EMC8: variants seen among roughly 807,000 people sequenced by gnomAD.
EMC8 encodes COX4 neighbor.
In EMC8, 11 loss-of-function variants were observed where a neutral mutation model predicts 24.3. The ratio of observed to expected loss-of-function variants is 0.45; its 90% CI spans 0.28 to 0.75. The LOEUF (loss-of-function observed/expected upper bound fraction) is 0.75. EMC8 is among the 30% of genes least tolerant of loss of function. The pLI is 0.12. For synonymous variants in EMC8, 145 were observed against 117.7 expected, an observed-to-expected ratio of 1.23 and a Z score of -1.50; for missense variants, 277 against 282.7, an observed-to-expected ratio of 0.98 and a Z score of 0.14.
At chr16:85,788,595 G>C (rs1943262739) in intron 2 of EMC8, among the ~76,000 whole-genome samples, 1 of 152,218 alleles carries the variant, frequency 6.6e-6, no homozygotes, top group South Asian at 2.1e-4. Flanking sequence ...AAACCTACAG[G>C]CTGGTCTATT....
chr16:85,788,392 C>T (rs1904852559), intron 2 of EMC8, among the ~76,000 whole-genome samples: 1 of 152,278 alleles, frequency 6.6e-6, no homozygotes, highest in Non-Finnish European at 1.5e-5. Flanking sequence ...TTAAGCCCTC[C>T]TCAGATTATC....
intron 1 of EMC8, among the ~76,000 whole-genome samples, chr16:85,791,158 T>C (rs1904993134): frequency 6.6e-6 from 1 of 152,192 alleles, no homozygotes; most frequent in Non-Finnish European, 1.5e-5. Flanking sequence ...ATAAATTTTA[T>C]TGAAGGATTT....
chr16:85,794,441 C>A (rs1465487534), intron 1 of EMC8, among the ~76,000 whole-genome samples: 1 of 152,102 alleles, frequency 6.6e-6, no homozygotes, highest in Admixed American at 6.6e-5. Context: ...GTAATCCTAG[C>A]ACTTTGGGAG....
chr16:85,781,613 G>GTTT (rs1904504322), intron 2 of EMC8: 3 of 78,012 alleles, frequency 3.8e-5, no homozygotes, highest in Admixed American at 1.8e-4. Context: ...GTTTTTTTTT[G>GTTT]CTTTTTTTTT....
intron 2 of EMC8, among the ~76,000 whole-genome samples, chr16:85,784,023 G>C (rs1193853678): frequency 1.3e-5 from 2 of 152,004 alleles, no homozygotes; most frequent in Non-Finnish European, 2.9e-5. Flanking sequence ...TTTTGAGATG[G>C]AGTCTCACTC....
At position 85,783,942 on chromosome 16, in the gene EMC8, G is replaced by A. The variant is rs557646591; in HGVS notation, c.309-2662C>T. Among the ~76,000 whole-genome samples the A allele has an allele frequency of 2.0e-5, 3 of 152,318 alleles. No individual in the cohort carries two copies. In the East Asian group the frequency reaches 5.8e-4, roughly 29 times the overall value. On this transcript the variant is annotated intron_variant, in intron 2 of 4. Transcript: ENST00000253457. ...TGCTTTCCTTCTGTGCATCCTGTCT[G>A]CCCTGCACAATCAAGGCTTTCAGCT...
chr16:85,798,965 T>C (rs1237012640), intron 1 of EMC8, 100 bp downstream of exon 1: 1 of 829,302 alleles, frequency 1.2e-6, no homozygotes, highest in Non-Finnish European at 1.9e-6. Context: ...GAGCGGGTCC[T>C]AGGAGCCTGC....
chr16:85,793,038 T>C (rs958385191), intron 1 of EMC8: 1 of 152,252 alleles, frequency 6.6e-6, no homozygotes, highest in South Asian at 2.1e-4. Flanking sequence ...AGAAAGGACA[T>C]TTTCACCTTG....
intron 3 of EMC8, chr16:85,780,692 C>A: frequency 1.7e-6 from 1 of 572,308 alleles, no homozygotes; most frequent in Non-Finnish European, 3.1e-6. Context: ...TTCACAAAAG[C>A]GAAGCTTCCA....
chr16:85,782,819 G>C (rs1023326613), intron 2 of EMC8, among the ~76,000 whole-genome samples: 1 of 152,118 alleles, frequency 6.6e-6, no homozygotes, highest in African/African-American at 2.4e-5. Context: ...CAGCCTCTCC[G>C]ACCTGAGGCC....
At position 85,788,981 on chromosome 16, in the gene EMC8, C is replaced by A. The variant is rs1325792815; in HGVS notation, c.301G>T (p.Asp101Tyr). The part of the protein sequence containing the change: ...GYYQANERVK[D>Y]ASPNQVAEKV... The stretch of plus-strand genomic sequence containing the variant: ...GGTTCTGCATCCACGTACCTGGCAT[C>A]CTTTACTCGCTCATTAGCTTGATAA... The change falls in exon 2 of 5, where the codon GAT becomes TAT. Residue 101 changes from aspartate (D) to tyrosine (Y), a missense_variant. By Grantham distance (160) the Asp-to-Tyr change is radical. Transcript: ENST00000253457. 3 of 1,611,662 alleles carry A rather than the reference C, an allele frequency of 1.9e-6. No homozygotes were observed. The highest frequency in any genetic ancestry group is 2.5e-6 in the Non-Finnish European group (3 of 1,177,854).
intron 1 of EMC8, 70 bp downstream of exon 1, chr16:85,798,995 C>T: frequency 1.7e-6 from 2 of 1,146,744 alleles, no homozygotes; most frequent in Non-Finnish European, 1.2e-6. Context: ...ACCGCTGGGC[C>T]AGCTTCCTCT....
chr16:85,796,390 C>T (rs777375101), intron 1 of EMC8, among the ~76,000 whole-genome samples: 9 of 152,128 alleles, frequency 5.9e-5, no homozygotes, highest in African/African-American at 1.4e-4. Context: ...TCCCCTTCTC[C>T]GTACCCATGC....
At chr16:85,790,690 A>G (rs941212913) in intron 1 of EMC8, among the ~76,000 whole-genome samples, 2 of 151,950 alleles carry the variant, frequency 1.3e-5, no homozygotes, top group African/African-American at 4.8e-5. Context: ...GTCCTCCCCT[A>G]AGGTGACCCA....
chr16:85,781,265 T>C lies in EMC8; in HGVS notation c.324A>G (p.Ala108=), dbSNP rs1479837231. The C allele has an allele frequency of 3.1e-6, 5 of 1,595,324 alleles. No individual in the cohort carries two copies. Among genetic ancestry groups the C allele is most frequent in the Non-Finnish European group, 4.3e-6 (5 of 1,174,364 alleles). Residue 108 remains alanine, a synonymous_variant, in exon 3 of 5, where the codon GCA becomes GCG. Coordinates refer to ENST00000253457, the MANE Select transcript of EMC8 (RefSeq NM_006067.5). ...CGGCGATTCTGGAGGCCACCTTCTC[T>C]GCAACCTGGTTTGGACTGTCAAAGA... The part of the protein sequence containing the change: ...RVKDASPNQV[A]EKVASRIAEG...
In EMC8 at chr16:85,799,093, G is replaced by T; in HGVS notation, c.203C>A (p.Ala68Asp). 1.3e-6 allele frequency: 2 copies of T among 1,565,518 alleles called. No individual in the cohort carries two copies. ...GGTGAGAGCCACCTCCAGCATGGGG[G>T]CGAGGGCCAGGGTGCCGTGGAAGAG... ...IPLFHGTLAL[A>D]PMLEVALTLI... Residue 68 changes from alanine (A) to aspartate (D), a missense_variant, in exon 1 of 5, where the codon GCC becomes GAC. Physicochemically the swap from Ala to Asp is moderately radical, Grantham distance 126. Coordinates refer to ENST00000253457, the MANE Select transcript of EMC8 (RefSeq NM_006067.5). The surrounding 1 kb of genome is among the most constrained non-coding windows in gnomAD (Gnocchi z 4.2).
intron 4 of EMC8, 48 bp downstream of exon 4, chr16:85,780,331 C>T (rs761570136): frequency 2.6e-5 from 37 of 1,417,648 alleles, no homozygotes; most frequent in Non-Finnish European, 3.2e-5. Flanking sequence ...CTCACGTGGC[C>T]GGGCGCTGAA....
intron 2 of EMC8, among the ~76,000 whole-genome samples, chr16:85,783,390 C>A (rs1232876186): frequency 1.3e-5 from 2 of 152,174 alleles, no homozygotes; most frequent in East Asian, 3.9e-4. Context: ...AACTCCGGGT[C>A]TCAATCAATC....
rs3853312 is a variant in EMC8, at chr16:85,792,174, G to C, written c.232-3124C>G. 5.9e-4 allele frequency among the ~76,000 whole-genome samples: 89 copies of C among 152,088 alleles called. 1 individual carries two copies. The East Asian group carries it at 0.017, about 28-fold the overall frequency. On this transcript the variant is annotated intron_variant, in intron 1 of 4. Transcript: ENST00000253457. ...CACTCTCAGAGCACAGAAACCACCT[G>C]GTACAAAAGATGATTCCTATGACAA...
Sources: gnomAD v4.1 joint callset for allele counts (sites outside exome capture counted in the v4.1 genomes callset) on GRCh38, gnomAD v4.1.1 for gene constraint, Gnocchi (gnomAD v3.1) non-coding constraint, MANE v1.5 for transcripts, NCBI Gene and HGNC (gene_info 2026-07-23, HGNC 2026-07-21) for gene names.